Variants in LGMN observed in about 807,000 individuals in gnomAD.
LGMN encodes the protein legumain, also known as asparaginyl endopeptidase.
A neutral mutation model predicts 56.8 loss-of-function variants in LGMN; 36 were observed. The ratio of observed to expected loss-of-function variants is 0.63; its 90% CI spans 0.49 to 0.84. LGMN has a LOEUF of 0.84. Among genes scored for constraint, LGMN ranks in the 40% least tolerant of loss-of-function variants. LGMN has a pLI of 0.00. For missense variants in LGMN, 446 were observed against 556.1 expected, an observed-to-expected ratio of 0.80 and a Z score of 1.99; for synonymous variants, 199 against 210.1, an observed-to-expected ratio of 0.95 and a Z score of 0.46.
intron 1 of LGMN, among the ~76,000 whole-genome samples, chr14:92,746,800 G>A (rs947539990): frequency 6.6e-6 from 1 of 152,122 alleles, no homozygotes; most frequent in Non-Finnish European, 1.5e-5. Context: ...ACTTTGGGAG[G>A]CCGAGGGGGG....
intron 7 of LGMN, 94 bp from the exon 8 acceptor site, chr14:92,712,965 T>C (rs1889872836): frequency 1.8e-6 from 2 of 1,108,632 alleles, no homozygotes; most frequent in Non-Finnish European, 2.6e-6. Flanking sequence ...TACCCATTCC[T>C]AACAAGTCCT....
At chr14:92,738,260 C>T (rs1472737832) in intron 1 of LGMN, among the ~76,000 whole-genome samples, 1 of 151,602 alleles carries the variant, frequency 6.6e-6, no homozygotes, top group Non-Finnish European at 1.5e-5. Flanking sequence ...CCTACTGATA[C>T]AGAAAATGAC....
At chr14:92,719,260 G>GCCGCCA (rs1890284429) in intron 2 of LGMN, among the ~76,000 whole-genome samples, 1 of 12,522 alleles carries the variant, frequency 8.0e-5, no homozygotes, top group Non-Finnish European at 1.6e-4. Context: ...CACCACCACC[G>GCCGCCA]CCACCGCCGC....
chr14:92,719,274 C>T lies in LGMN; in HGVS notation c.139-430G>A, dbSNP rs1411149440. On this transcript the variant is annotated intron_variant, in intron 2 of 13. Transcript: ENST00000334869. ...CCACCACCACCGCCACCGCCGCCGC[C>T]GCCACCGCCGCCGCCGCCGCCGCCG... Among the ~76,000 whole-genome samples the T allele has an allele frequency of 1.2e-4, 10 of 80,548 alleles. No individual in the cohort carries two copies. The South Asian group carries it at 1.6e-3, about 13-fold the overall frequency. The allele number at this position is 80,548 out of a possible 152,430, so 52.8% of individuals were successfully genotyped here. A position where few individuals can be genotyped will look rare whatever the true frequency, so the allele number is the denominator to read the frequency against.
At chr14:92,738,533 C>T (rs1451138821) in intron 1 of LGMN, among the ~76,000 whole-genome samples, 1 of 151,606 alleles carries the variant, frequency 6.6e-6, no homozygotes, top group African/African-American at 2.4e-5. Flanking sequence ...CTGTCTCAGC[C>T]TCCCAAAGTG....
chr14:92,711,777 T>C lies in LGMN; in HGVS notation c.730-29A>G, dbSNP rs185141668. Reference sequence around the variant, plus strand: ...CAAAAAGTGAGACCATTAGAGACCTTTGACAATCAGAGTCTGACGGTTAAA... The same window carrying C: ...CAAAAAGTGAGACCATTAGAGACCTCTGACAATCAGAGTCTGACGGTTAAA... On this transcript the variant is annotated intron_variant, in intron 9 of 13. Coordinates refer to ENST00000334869, the MANE Select transcript of LGMN (RefSeq NM_005606.7). The C allele has an allele frequency of 1.1e-4, 171 of 1,612,468 alleles. 1 individual carries two copies. In the African/African-American group the frequency reaches 2.0e-3, roughly 19 times the overall value.
At chr14:92,744,560 G>T (rs991741329) in intron 1 of LGMN, among the ~76,000 whole-genome samples, 43 of 150,546 alleles carry the variant, frequency 2.9e-4, no homozygotes, top group African/African-American at 1.0e-3. Flanking sequence ...ACAGAGTAAT[G>T]ACTTTATCTT....
chr14:92,744,654 G>A (rs1257178339), intron 1 of LGMN, among the ~76,000 whole-genome samples: 7 of 146,720 alleles, frequency 4.8e-5, no homozygotes, highest in South Asian at 2.1e-4. Flanking sequence ...GGAGTGCAAC[G>A]GCACGATCTT....
chr14:92,730,019 A>G (rs899170341), intron 2 of LGMN, among the ~76,000 whole-genome samples: 3 of 152,272 alleles, frequency 2.0e-5, no homozygotes, highest in African/African-American at 7.2e-5. Context: ...AGCAAAGGTA[A>G]TTGGATAACC....
At chr14:92,716,572 G>A (rs997112005) in intron 4 of LGMN, among the ~76,000 whole-genome samples, 3 of 152,192 alleles carry the variant, frequency 2.0e-5, no homozygotes, top group Non-Finnish European at 4.4e-5. Flanking sequence ...AGCGGAGGTT[G>A]CAGTGAGCCA....
At position 92,711,839 on chromosome 14, in the gene LGMN, C is replaced by T. The variant is rs1350520374; in HGVS notation, c.727G>A (p.Val243Met). Reference protein sequence around the residue: ...YSVNWMEDSDVEDLTKETLHK... With the variant: ...YSVNWMEDSDMEDLTKETLHK... ...CAGCCAGCCCCCAAAGGGCTCACCA[C>T]GTCCGAATCTTCCATCCAGTTGACG... The change falls in exon 9 of 14, where the codon GTG (valine) becomes ATG (methionine). Residue 243 changes from valine (V) to methionine (M), a missense_variant and splice_region_variant. Coordinates refer to ENST00000334869, the MANE Select transcript of LGMN (RefSeq NM_005606.7). 13 of 1,611,530 alleles carry T rather than the reference C, an allele frequency of 8.1e-6. No individual in the cohort carries two copies. Among genetic ancestry groups the T allele is most frequent in the Non-Finnish European group, 7.6e-6 (9 of 1,177,554 alleles).
intron 2 of LGMN, among the ~76,000 whole-genome samples, chr14:92,731,806 C>A (rs973333706): frequency 6.6e-6 from 1 of 152,178 alleles, no homozygotes; most frequent in African/African-American, 2.4e-5. Flanking sequence ...CTCTTAAGGA[C>A]ATACTTAGGA....
chr14:92,726,712 C>T (rs1433708911), intron 2 of LGMN, among the ~76,000 whole-genome samples: 1 of 152,172 alleles, frequency 6.6e-6, no homozygotes, highest in Non-Finnish European at 1.5e-5. Flanking sequence ...CCTTCTCCCT[C>T]GCTTCCTCCT....
At chr14:92,716,813 C>T (rs1282945750) in intron 4 of LGMN, among the ~76,000 whole-genome samples, 7 of 152,038 alleles carry the variant, frequency 4.6e-5, no homozygotes, top group East Asian at 1.9e-4. Flanking sequence ...CTAAAAGATC[C>T]GATATTTAAA....
intron 2 of LGMN, among the ~76,000 whole-genome samples, chr14:92,719,293 G>GCCGCCGCCA (rs1327035250): frequency 5.0e-5 from 2 of 40,054 alleles, no homozygotes; most frequent in African/African-American, 7.7e-5. Flanking sequence ...CGCCGCCGCC[G>GCCGCCGCCA]CCGCCGCCAC....
At chr14:92,742,638 G>T (rs1015736003) in intron 1 of LGMN, among the ~76,000 whole-genome samples, 19 of 152,138 alleles carry the variant, frequency 1.2e-4, no homozygotes, top group African/African-American at 4.6e-4. Context: ...GCATATGCCT[G>T]CAGTCCCAGC....
chr14:92,703,971 T>G lies in LGMN; in HGVS notation c.*348A>C. ...CTGAAGATTTAAAGAGGTTTCAGCT[T>G]CAAATTCTCAGAATAAAGACTCCTT... is the stretch of plus-strand genomic sequence containing the variant. On this transcript the variant is annotated 3_prime_UTR_variant, in exon 14 of 14. Transcript: ENST00000334869. 1 of 598,154 alleles carries G rather than the reference T, an allele frequency of 1.7e-6. No homozygotes were observed. The highest frequency in any genetic ancestry group is 2.0e-5 in the South Asian group (1 of 50,790). The allele number at this position is 598,154 out of a possible 1,614,324, so 37.1% of individuals were successfully genotyped here.
intron 11 of LGMN, 69 bp downstream of exon 11, chr14:92,709,603 G>C: frequency 3.1e-6 from 4 of 1,280,948 alleles, no homozygotes; most frequent in Non-Finnish European, 4.5e-6. Context: ...AGGCAGGGCC[G>C]TGCTCATGCA....
intron 12 of LGMN, 53 bp from the exon 13 acceptor site, chr14:92,704,760 C>T: frequency 6.9e-7 from 1 of 1,451,132 alleles, no homozygotes; most frequent in Non-Finnish European, 9.7e-7. Context: ...CCACACAATC[C>T]ACTCCACTTT....
Sources: gnomAD v4.1 joint callset for allele counts (sites outside exome capture counted in the v4.1 genomes callset) on GRCh38, gnomAD v4.1.1 for gene constraint, MANE v1.5 for transcripts, NCBI Gene and HGNC (gene_info 2026-07-23, HGNC 2026-07-21) for gene names.